Variants in MYLK4 observed in about 807,000 individuals in gnomAD.
The protein encoded by MYLK4 is caMLCK like.
A neutral mutation model predicts 48.1 loss-of-function variants in MYLK4; 46 were observed. The ratio of observed to expected loss-of-function variants is 0.96; its 90% CI spans 0.75 to 1.22. The LOEUF (loss-of-function observed/expected upper bound fraction) is 1.22. Ranked by LOEUF, MYLK4 falls within the 50% of genes most tolerant of loss-of-function variation. The probability of loss-of-function intolerance (pLI) is 0.00; values close to 1 mark genes in which losing one functional copy is unlikely to be tolerated. For synonymous variants in MYLK4, 170 were observed against 180.8 expected, an observed-to-expected ratio of 0.94 and a Z score of 0.48; for missense variants, 451 against 486.1, an observed-to-expected ratio of 0.93 and a Z score of 0.68.
intron 2 of MYLK4, among the ~76,000 whole-genome samples, chr6:2,708,613 C>T (rs1762571840): frequency 1.3e-5 from 2 of 152,226 alleles, no homozygotes; most frequent in Non-Finnish European, 2.9e-5. Context: ...CAGCTCTCAA[C>T]TCTCACAAAG....
At chr6:2,763,024 GC>G in the MYLK4 span, among the ~76,000 whole-genome samples, 1 of 152,158 alleles carries the variant, frequency 6.6e-6, no homozygotes, top group African/African-American at 2.4e-5. Context: ...GGTCTCCATC[GC>G]CAGCTCTAGC....
At chr6:2,694,494 G>A (rs1279405500) in intron 2 of MYLK4, among the ~76,000 whole-genome samples, 3 of 36,150 alleles carry the variant, frequency 8.3e-5, no homozygotes, top group East Asian at 5.6e-4. Context: ...AGTGGTCATG[G>A]TGGTGGTGGT....
chr6:2,768,996 G>A, the MYLK4 span: 5 of 1,105,302 alleles, frequency 4.5e-6, no homozygotes, highest in East Asian at 2.6e-5. Context: ...AAGAAGCGTA[G>A]GCTTGTGAAC....
rs371438144 is a variant in MYLK4, at chr6:2,716,731, C to T, written c.160-23872G>A. ...AAATCCTGACTTGGCCATTTCTTAG[C>T]CATGTGATCTTGGACAAGCTATACC... On this transcript the variant is annotated intron_variant, in intron 2 of 12. Coordinates refer to ENST00000274643, the MANE Select transcript of MYLK4 (RefSeq NM_001012418.5). 2.0e-5 allele frequency among the ~76,000 whole-genome samples: 3 copies of T among 152,292 alleles called. 1 individual carries two copies.
At chr6:2,752,555 G>A (rs1015838019), upstream of MYLK4, among the ~76,000 whole-genome samples, 1 of 152,102 alleles carries the variant, frequency 6.6e-6, no homozygotes, top group African/African-American at 2.4e-5. Flanking sequence ...AAGACAGAGT[G>A]AACATTAACT....
intron 2 of MYLK4, among the ~76,000 whole-genome samples, chr6:2,728,343 C>T (rs1167494343): frequency 6.6e-6 from 1 of 152,102 alleles, no homozygotes; most frequent in Admixed American, 6.5e-5. Flanking sequence ...TCTGAGTCCC[C>T]GTCTCTCTGA....
At chr6:2,683,390 TTTGTGTG>T (rs966663994) in intron 6 of MYLK4, among the ~76,000 whole-genome samples, 1 of 129,218 alleles carries the variant, frequency 7.7e-6, no homozygotes, top group African/African-American at 2.9e-5. Flanking sequence ...TCCCCACCTT[TTTGTGTG>T]TGTGTGTGTG....
chr6:2,690,347 C>T (rs953740505), intron 3 of MYLK4, among the ~76,000 whole-genome samples: 3 of 152,166 alleles, frequency 2.0e-5, no homozygotes, highest in Non-Finnish European at 1.5e-5. Context: ...TACTGCTGCC[C>T]GGGCACTCTG....
At chr6:2,768,582 G>A in the MYLK4 span, 1 of 850,468 alleles carries the variant, frequency 1.2e-6, no homozygotes, top group Non-Finnish European at 1.7e-6. Context: ...TTCTTCCGAG[G>A]TCAAGTTGCT....
At chr6:2,710,129 T>A (rs1411197068) in intron 2 of MYLK4, among the ~76,000 whole-genome samples, 1 of 152,236 alleles carries the variant, frequency 6.6e-6, no homozygotes, top group Non-Finnish European at 1.5e-5. Flanking sequence ...TTTTAAGTAC[T>A]AATATAAACC....
intron 2 of MYLK4, among the ~76,000 whole-genome samples, chr6:2,724,917 G>T (rs541738081): frequency 6.6e-6 from 1 of 152,248 alleles, no homozygotes; most frequent in African/African-American, 2.4e-5. Context: ...TTGGGAGGCC[G>T]AGGTGGACGG....
the MYLK4 span, among the ~76,000 whole-genome samples, chr6:2,764,628 C>T: frequency 6.6e-6 from 1 of 152,182 alleles, no homozygotes; most frequent in South Asian, 2.1e-4. Flanking sequence ...ATCTGATATT[C>T]TTTCCATTTC....
chr6:2,695,754 C>A (rs1211445461), intron 2 of MYLK4, among the ~76,000 whole-genome samples: 3 of 152,174 alleles, frequency 2.0e-5, no homozygotes, highest in Admixed American at 2.0e-4. Flanking sequence ...CTTTTCAGGA[C>A]TGCAACCAAA....
the MYLK4 span, among the ~76,000 whole-genome samples, chr6:2,762,999 A>G: frequency 6.6e-6 from 1 of 152,292 alleles, no homozygotes; most frequent in South Asian, 2.1e-4. Context: ...CACACAAGCA[A>G]AAGAAAGCCA....
chr6:2,727,485 C>T (rs1561869736), intron 2 of MYLK4, among the ~76,000 whole-genome samples: 1 of 152,084 alleles, frequency 6.6e-6, no homozygotes, highest in Admixed American at 6.6e-5. Flanking sequence ...GTGGGAACCC[C>T]CCCAAAGACA....
At chr6:2,762,422 T>C in the MYLK4 span, among the ~76,000 whole-genome samples, 1 of 152,184 alleles carries the variant, frequency 6.6e-6, no homozygotes, top group Admixed American at 6.5e-5. Flanking sequence ...AAAAAAGAAA[T>C]TTTAGGCCTT....
chr6:2,682,971 T>C (rs1376912836), intron 7 of MYLK4, 50 bp downstream of exon 7: 2 of 1,611,588 alleles, frequency 1.2e-6, no homozygotes, highest in Non-Finnish European at 1.7e-6. Context: ...GGGCCCACTG[T>C]GCAAGAGCTG....
At chr6:2,689,019 G>T in intron 3 of MYLK4, 63 bp from the exon 4 acceptor site, 2 of 1,292,302 alleles carry the variant, frequency 1.5e-6, no homozygotes, top group Non-Finnish European at 1.1e-6. Flanking sequence ...AAGGCAGCAA[G>T]CCTGGGCCTC....
chr6:2,721,337 C>T (rs542296595), intron 2 of MYLK4, among the ~76,000 whole-genome samples: 29 of 152,270 alleles, frequency 1.9e-4, no homozygotes, highest in African/African-American at 5.3e-4. Context: ...AAAATGCATT[C>T]TGGGTACGTG....
Sources: gnomAD v4.1 joint callset for allele counts (sites outside exome capture counted in the v4.1 genomes callset) on GRCh38, gnomAD v4.1.1 for gene constraint, MANE v1.5 for transcripts, NCBI Gene and HGNC (gene_info 2026-07-23, HGNC 2026-07-21) for gene names.